Variants in EFCAB6 observed in about 807,000 individuals in gnomAD.
The protein encoded by EFCAB6 is EF-hand calcium-binding domain-containing protein 6.
A neutral mutation model predicts 169.8 loss-of-function variants in EFCAB6; 156 were observed. The ratio of observed to expected loss-of-function variants is 0.92; its 90% CI spans 0.81 to 1.05. The LOEUF (loss-of-function observed/expected upper bound fraction) is 1.05. Among genes scored for constraint, EFCAB6 ranks in the 50% least tolerant of loss-of-function variants. The pLI, the probability that EFCAB6 is intolerant of heterozygous loss-of-function variation, is 0.00. For synonymous variants in EFCAB6, 698 were observed against 676.4 expected, an observed-to-expected ratio of 1.03 and a Z score of -0.50; for missense variants, 1,800 against 1,829.1, an observed-to-expected ratio of 0.98 and a Z score of 0.29.
intron 9 of EFCAB6, chr22:43,716,574 A>C (rs750053987): frequency 2.9e-5 from 11 of 385,590 alleles, no homozygotes; most frequent in Admixed American, 9.0e-5. Context: ...TACGTTACTC[A>C]ATAACGTTGC....
intron 24 of EFCAB6, among the ~76,000 whole-genome samples, chr22:43,585,255 A>G (rs761101155): frequency 7.2e-5 from 11 of 151,764 alleles, no homozygotes; most frequent in Non-Finnish European, 1.6e-4. Context: ...GTAATCAGAG[A>G]TGGAAACTCT....
intron 4 of EFCAB6, among the ~76,000 whole-genome samples, chr22:43,771,236 G>A (rs1309081901): frequency 1.3e-5 from 2 of 152,126 alleles, no homozygotes; most frequent in Admixed American, 6.6e-5. Flanking sequence ...CTCGAGACCA[G>A]CCTGGCCAAC....
rs148685975 is a variant in EFCAB6, at chr22:43,632,176, C to A, written c.2161G>T (p.Val721Leu). 130 of 1,614,028 alleles carry A rather than the reference C, an allele frequency of 8.1e-5. No individual in the cohort carries two copies. The African/African-American group carries it at 1.5e-3, about 18-fold the overall frequency. ...PQPPTPSKSYVNSHFITAEEC... is the reference protein window; with the variant it reads ...PQPPTPSKSYLNSHFITAEEC... ...TCTGCGGTGATAAAGTGGCTGTTCA[C>A]GTAACTTTTTGAAGGAGTTGGAGGC... Residue 721 changes from valine (V) to leucine (L), a missense_variant, in exon 19 of 32, where the codon GTG becomes TTG. Physicochemically the swap from Val to Leu is conservative, Grantham distance 32. Transcript: ENST00000262726.
intron 20 of EFCAB6, among the ~76,000 whole-genome samples, chr22:43,620,918 AT>A (rs2054071702): frequency 6.6e-6 from 1 of 152,142 alleles, no homozygotes; most frequent in Non-Finnish European, 1.5e-5. Flanking sequence ...CAGCACCAGA[AT>A]ACACATTCTT....
chr22:43,658,065 C>T (rs2056831028), intron 17 of EFCAB6, among the ~76,000 whole-genome samples: 2 of 151,726 alleles, frequency 1.3e-5, no homozygotes, highest in Admixed American at 1.3e-4. Context: ...CCCGTCTCTA[C>T]TAAAAATACA....
At chr22:43,574,500 A>G (rs2050105829) in intron 26 of EFCAB6, among the ~76,000 whole-genome samples, 1 of 152,188 alleles carries the variant, frequency 6.6e-6, no homozygotes, top group Admixed American at 6.5e-5. Flanking sequence ...CCCAGAGCTT[A>G]GTAGGTGCTC....
chr22:43,602,167 C>T (rs746774666), intron 22 of EFCAB6, among the ~76,000 whole-genome samples: 2 of 152,230 alleles, frequency 1.3e-5, no homozygotes, highest in East Asian at 1.9e-4. Flanking sequence ...GACAGTGCCC[C>T]GCCCAGCTCC....
intron 17 of EFCAB6, among the ~76,000 whole-genome samples, chr22:43,663,436 G>C (rs1207528854): frequency 1.3e-5 from 2 of 152,190 alleles, no homozygotes; most frequent in African/African-American, 2.4e-5. Context: ...ATCTCTGCCA[G>C]TGATGATAAT....
intron 17 of EFCAB6, among the ~76,000 whole-genome samples, chr22:43,656,774 G>A (rs1291973651): frequency 2.2e-5 from 3 of 135,282 alleles, no homozygotes; most frequent in African/African-American, 7.5e-5. Context: ...ATAGCACCTA[G>A]GTTTGTTGTA....
At chr22:43,632,547 G>A (rs1472896606) in intron 18 of EFCAB6, among the ~76,000 whole-genome samples, 1 of 152,088 alleles carries the variant, frequency 6.6e-6, no homozygotes, top group African/African-American at 2.4e-5. Context: ...TGATCCGCCC[G>A]CCTCAGCCTC....
At chr22:43,538,576 A>T (rs2047520941) in intron 28 of EFCAB6, among the ~76,000 whole-genome samples, 1 of 151,972 alleles carries the variant, frequency 6.6e-6, no homozygotes, top group South Asian at 2.1e-4. Flanking sequence ...TTCAGTAGAG[A>T]TGGGGTTTCC....
intron 26 of EFCAB6, among the ~76,000 whole-genome samples, chr22:43,563,306 T>G (rs2049189577): frequency 6.6e-6 from 1 of 152,066 alleles, no homozygotes; most frequent in Non-Finnish European, 1.5e-5. Context: ...AAAGTGAAAA[T>G]AAAAACAGCC....
intron 27 of EFCAB6, chr22:43,552,233 T>C (rs2048424185): frequency 2.0e-5 from 3 of 152,246 alleles, no homozygotes; most frequent in Admixed American, 2.0e-4. Context: ...TTCCTTGTCT[T>C]TGCTATTGTG....
intron 25 of EFCAB6, 127 bp from the exon 26 acceptor site, chr22:43,576,615 C>A: frequency 1.4e-6 from 1 of 693,442 alleles, no homozygotes. Context: ...CTTGTAAATT[C>A]TAAATTACTA....
At chr22:43,632,685 A>T (rs536960117) in intron 18 of EFCAB6, among the ~76,000 whole-genome samples, 1 of 152,248 alleles carries the variant, frequency 6.6e-6, no homozygotes, top group South Asian at 2.1e-4. Flanking sequence ...CTGTGAGTTG[A>T]ACACAGCATT....
At chr22:43,717,424 G>T (rs1236807668) in intron 8 of EFCAB6, among the ~76,000 whole-genome samples, 1 of 148,350 alleles carries the variant, frequency 6.7e-6, no homozygotes, top group African/African-American at 2.5e-5. Context: ...GAGTGGAGAA[G>T]AACTATTGTT....
intron 13 of EFCAB6, 120 bp from the exon 14 acceptor site, chr22:43,672,425 A>T: frequency 9.6e-7 from 1 of 1,037,536 alleles, no homozygotes; most frequent in Non-Finnish European, 1.4e-6. Flanking sequence ...ATTAGCTTTG[A>T]GACCTTGAAC....
At chr22:43,676,579 T>C (rs1303046449) in intron 13 of EFCAB6, among the ~76,000 whole-genome samples, 3 of 152,176 alleles carry the variant, frequency 2.0e-5, no homozygotes, top group Non-Finnish European at 2.9e-5. Flanking sequence ...CTTTGTAGTT[T>C]GGCATATTTT....
intron 17 of EFCAB6, among the ~76,000 whole-genome samples, chr22:43,642,152 G>T (rs1490164259): frequency 6.6e-6 from 1 of 151,960 alleles, no homozygotes; most frequent in Non-Finnish European, 1.5e-5. Flanking sequence ...TGTTGGTCAG[G>T]CTGGTCTCAA....
Sources: allele counts gnomAD v4.1 joint callset (sites outside exome capture counted in the v4.1 genomes callset), GRCh38; gene constraint gnomAD v4.1.1; transcripts MANE v1.5; gene names NCBI Gene and HGNC (gene_info 2026-07-23, HGNC 2026-07-21).